The following RNPC3 variants were observed in gnomAD, a reference collection of about 807,000 sequenced individuals.
The protein encoded by RNPC3 is RNA-binding region-containing protein 3.
A neutral mutation model predicts 67.5 loss-of-function variants in RNPC3; 48 were observed. The observed-to-expected ratio is 0.71, with a 90% CI of 0.56 to 0.90. The LOEUF (loss-of-function observed/expected upper bound fraction) is 0.90, where lower values mean the gene tolerates loss of function less well. RNPC3 is among the 40% of genes least tolerant of loss of function. The pLI is 0.00. For missense variants in RNPC3, 637 were observed against 626.1 expected (o/e 1.02, Z -0.19); for synonymous variants, 239 against 210.3 (o/e 1.14, Z -1.18).
At position 103,527,718 on chromosome 1, in the gene RNPC3, C is replaced by T; in HGVS notation, c.216C>T (p.Phe72=). The T allele has an allele frequency of 6.5e-7, 1 of 1,548,742 alleles. No individual in the cohort carries two copies. The highest frequency in any genetic ancestry group is 8.7e-7 in the Non-Finnish European group (1 of 1,144,880). Residue 72 remains phenylalanine, a synonymous_variant, in exon 2 of 15, where the codon TTC becomes TTT. Transcript: ENST00000423855. Reference sequence around the variant, plus strand: ...AGAAACATACAGCTTTTGCCACATTCCCTAATGAAAAAGCAGCTATAAAGG... The same window carrying T: ...AGAAACATACAGCTTTTGCCACATTTCCTAATGAAAAAGCAGCTATAAAGG... ...GRLKHTAFAT[F]PNEKAAIKAL...
intron 14 of RNPC3, chr1:103,554,788 A>G (rs2101056610): frequency 6.5e-6 from 1 of 152,762 alleles, no homozygotes; most frequent in South Asian, 2.1e-4. Flanking sequence ...AAATTCGGTT[A>G]TTATCACCTT....
At position 103,551,064 on chromosome 1, in the gene RNPC3, C is replaced by T; in HGVS notation, c.1485C>T (p.Pro495=). 1 of 1,609,714 alleles carries T rather than the reference C, an allele frequency of 6.2e-7. No individual in the cohort carries two copies. The highest frequency in any genetic ancestry group is 8.5e-7 in the Non-Finnish European group (1 of 1,177,906). ...ATGGATATGTGCTTTTTGGAAAACCCATGGTGGTTGTATCCTTTAAATCCA... is the reference window on the plus strand; with the variant it reads ...ATGGATATGTGCTTTTTGGAAAACCTATGGTGGTTGTATCCTTTAAATCCA... The part of the protein sequence containing the change: ...EANGYVLFGK[P]MVVQFARSAR... Residue 495 remains proline (P), a synonymous_variant, in exon 13 of 15, where the codon CCC becomes CCT. Transcript: ENST00000423855.
chr1:103,545,924 A>G (rs930847416), intron 10 of RNPC3: 2 of 154,450 alleles, frequency 1.3e-5, no homozygotes, highest in Non-Finnish European at 2.9e-5. Flanking sequence ...GACAAATTGT[A>G]GTTACTCTAG....
At chr1:103,547,978 G>A (rs563540195) in intron 12 of RNPC3, among the ~76,000 whole-genome samples, 3 of 152,240 alleles carry the variant, frequency 2.0e-5, no homozygotes, top group East Asian at 1.9e-4. Context: ...AAGGCTTGAC[G>A]TTTGCATCCT....
intron 2 of RNPC3, among the ~76,000 whole-genome samples, chr1:103,530,475 C>G (rs549064862): frequency 6.6e-6 from 1 of 152,068 alleles, no homozygotes; most frequent in Non-Finnish European, 1.5e-5. Context: ...ATGCCTGTCA[C>G]GTTGTTCAAG....
intron 14 of RNPC3, 93 bp downstream of exon 14, chr1:103,551,885 C>G (rs1226905793): frequency 2.3e-6 from 1 of 431,914 alleles, no homozygotes; most frequent in African/African-American, 2.3e-5. Flanking sequence ...TCAGGTATCT[C>G]TTTTTTTTTT....
intron 9 of RNPC3, among the ~76,000 whole-genome samples, chr1:103,544,345 G>A (rs1651195390): frequency 6.6e-6 from 1 of 151,772 alleles, no homozygotes; most frequent in Non-Finnish European, 1.5e-5. Flanking sequence ...AGTTTGCCAT[G>A]GTCTCTTTTT....
At chr1:103,542,384 T>C (rs1162999803) in intron 8 of RNPC3, among the ~76,000 whole-genome samples, 1 of 151,914 alleles carries the variant, frequency 6.6e-6, no homozygotes, top group African/African-American at 2.4e-5. Context: ...ATAGAAATGA[T>C]GAAAGGGAAA....
At chr1:103,546,533 TCTGGCAGTAAATA>T (rs1651248233) in intron 11 of RNPC3, 191 bp downstream of exon 11, 3 of 375,756 alleles carry the variant, frequency 8.0e-6, no homozygotes, top group African/African-American at 6.3e-5. Flanking sequence ...GCTTGGGTTC[TCTGGCAGTAAATA>T]CTGAGACAGA....
chr1:103,549,132 A>G (rs149836960), intron 12 of RNPC3, among the ~76,000 whole-genome samples: 1 of 152,290 alleles, frequency 6.6e-6, no homozygotes, highest in African/African-American at 2.4e-5. Flanking sequence ...GCCAAACCAT[A>G]TCAGCTAATG....
intron 2 of RNPC3, among the ~76,000 whole-genome samples, chr1:103,532,340 A>T (rs925630191): frequency 9.9e-5 from 15 of 152,114 alleles, no homozygotes; most frequent in Non-Finnish European, 1.3e-4. Context: ...GGAAGAATGG[A>T]GTTGCTATCA....
chr1:103,535,380 C>T lies in RNPC3; in HGVS notation c.494C>T (p.Ser165Phe). Residue 165 changes from serine (S) to phenylalanine (F), a missense_variant, in exon 5 of 15, where the codon TCC becomes TTC. By Grantham distance (155) the Ser-to-Phe change is radical. Transcript: ENST00000423855. ...SCLKYMYPPPSSTILANIVNA... is the reference protein window; with the variant it reads ...SCLKYMYPPPFSTILANIVNA... ...CTCAAGTATATGTACCCACCACCTT[C>T]CAGCACAATCCTAGCAAACATTGTA... 1.3e-6 allele frequency: 2 copies of T among 1,535,810 alleles called. No individual in the cohort carries two copies. The highest frequency in any genetic ancestry group is 1.2e-5 in the South Asian group (1 of 84,026).
chr1:103,546,892 C>G (rs1228238270), intron 11 of RNPC3, 85 bp from the exon 12 acceptor site: 4 of 697,338 alleles, frequency 5.7e-6, no homozygotes, highest in Non-Finnish European at 9.5e-6. Context: ...ATGACCTCTT[C>G]TACTGATGCA....
At chr1:103,529,930 A>T (rs1437539507) in intron 2 of RNPC3, among the ~76,000 whole-genome samples, 1 of 152,162 alleles carries the variant, frequency 6.6e-6, no homozygotes, top group African/African-American at 2.4e-5. Context: ...CTCCAGTCAG[A>T]TCAGCAGTGC....
rs1469856634 is a variant in RNPC3 at position 103,541,337 on chromosome 1, C to T, written c.768-13C>T. On this transcript the variant is annotated splice_polypyrimidine_tract_variant and intron_variant, in intron 7 of 14. Transcript: ENST00000423855. ...AAAGGAAATTTTGTTTATCATCCCT[C>T]TCCTCATTGTAGAATGAACAAATTA... is the stretch of plus-strand genomic sequence containing the variant. The T allele has an allele frequency of 3.3e-6, 5 of 1,493,340 alleles. No homozygotes were observed. The highest frequency in any genetic ancestry group is 4.4e-6 in the Non-Finnish European group (5 of 1,131,402). 92.5% of individuals were successfully genotyped at this position (1,493,340 alleles called of 1,614,324 possible).
intron 11 of RNPC3, chr1:103,546,554 A>G (rs1651248569): frequency 5.4e-6 from 2 of 368,902 alleles, no homozygotes; most frequent in South Asian, 5.4e-5. Flanking sequence ...ATACTGAGAC[A>G]GAGTTTGTGG....
In RNPC3 at chr1:103,528,673, G is replaced by A. The variant is rs146303161; in HGVS notation, c.240+931G>A. On this transcript the variant is annotated intron_variant, in intron 2 of 14. Coordinates refer to ENST00000423855, the MANE Select transcript of RNPC3 (RefSeq NM_017619.4). Reference sequence around the variant, plus strand: ...GGAGGGGTCATTGGGCTACTTTTATGGAAATATTTAAAAATATTAATGAGA... The same window carrying A: ...GGAGGGGTCATTGGGCTACTTTTATAGAAATATTTAAAAATATTAATGAGA... Among the ~76,000 whole-genome samples, 1,289 of 152,152 alleles carry A rather than the reference G, an allele frequency of 8.5e-3. 20 individuals are homozygous for A. The highest frequency in any genetic ancestry group is 9.6e-3 in the Non-Finnish European group (655 of 67,996).
intron 12 of RNPC3, among the ~76,000 whole-genome samples, chr1:103,550,237 C>G (rs1651353785): frequency 6.6e-6 from 1 of 151,930 alleles, no homozygotes; most frequent in Non-Finnish European, 1.5e-5. Context: ...TTAATCCTTT[C>G]TATTTTTCCA....
intron 2 of RNPC3, among the ~76,000 whole-genome samples, chr1:103,530,277 A>G (rs1420251446): frequency 6.6e-6 from 1 of 152,138 alleles, no homozygotes; most frequent in Non-Finnish European, 1.5e-5. Flanking sequence ...GAAGATGATA[A>G]ATGCTATGGA....
Sources: allele counts gnomAD v4.1 joint callset (sites outside exome capture counted in the v4.1 genomes callset), GRCh38; gene constraint gnomAD v4.1.1; transcripts MANE v1.5; gene names NCBI Gene and HGNC (gene_info 2026-07-23, HGNC 2026-07-21).